Variants in FILIP1L observed in about 807,000 individuals in gnomAD.
The protein encoded by FILIP1L is filamin A-interacting protein 1-like.
FILIP1L carries 55 observed loss-of-function variants against 96.6 expected under a neutral mutation model. The ratio of observed to expected loss-of-function variants is 0.57; its 90% CI spans 0.46 to 0.71. The LOEUF (loss-of-function observed/expected upper bound fraction) is 0.71. Ranked by LOEUF, FILIP1L falls within the 30% of genes least tolerant of loss-of-function variation. The probability of loss-of-function intolerance (pLI) is 0.00; values close to 1 mark genes in which losing one functional copy is unlikely to be tolerated. For missense variants in FILIP1L, 1,304 were observed against 1,321.2 expected, an observed-to-expected ratio of 0.99 and a Z score of 0.20; for synonymous variants, 467 against 473.9, an observed-to-expected ratio of 0.99 and a Z score of 0.19.
chr3:100,007,968 CTG>C (rs1249511885), intron 1 of FILIP1L, among the ~76,000 whole-genome samples: 1 of 152,142 alleles, frequency 6.6e-6, no homozygotes, highest in East Asian at 1.9e-4. Flanking sequence ...AATTTGGAAA[CTG>C]AGGGCTCCCT....
At position 99,850,145 on chromosome 3, in the gene FILIP1L, A is replaced by C. The variant is rs1311300684; in HGVS notation, c.1531T>G (p.Leu511Val). The C allele has an allele frequency of 1.2e-6, 2 of 1,611,156 alleles. No individual in the cohort carries two copies. The highest frequency in any genetic ancestry group is 1.3e-5 in the African/African-American group (1 of 74,624). Residue 511 changes from leucine to valine, a missense_variant, in exon 5 of 6, where the codon TTA becomes GTA. By Grantham distance (32) the Leu-to-Val change is conservative. Transcript: ENST00000477258. Reference protein sequence around the residue: ...VDERKTMSEKLKKTEDKLQAA... With the variant: ...VDERKTMSEKVKKTEDKLQAA... Reference sequence around the variant, plus strand: ...TGTAATTTATCTTCAGTTTTCTTTAATTTTTCACTCATTGTTTTCCGTTCA... The same window carrying C: ...TGTAATTTATCTTCAGTTTTCTTTACTTTTTCACTCATTGTTTTCCGTTCA...
intron 4 of FILIP1L, among the ~76,000 whole-genome samples, chr3:99,914,885 A>G (rs1164254836): frequency 6.6e-6 from 1 of 152,218 alleles, no homozygotes; most frequent in Non-Finnish European, 1.5e-5. Flanking sequence ...ATCTACTTTC[A>G]TTGTGATGTA....
At chr3:99,973,958 T>C (rs936760320) in intron 1 of FILIP1L, among the ~76,000 whole-genome samples, 1 of 152,246 alleles carries the variant, frequency 6.6e-6, no homozygotes, top group African/African-American at 2.4e-5. Flanking sequence ...CACTGTTTCC[T>C]GTAACCCACA....
At chr3:99,949,775 T>C (rs1210323676) in intron 1 of FILIP1L, among the ~76,000 whole-genome samples, 1 of 152,240 alleles carries the variant, frequency 6.6e-6, no homozygotes, top group Non-Finnish European at 1.5e-5. Flanking sequence ...TTTTACTTTT[T>C]GGTCTTCTAA....
At chr3:99,976,072 A>G (rs928488310) in intron 1 of FILIP1L, among the ~76,000 whole-genome samples, 15 of 151,948 alleles carry the variant, frequency 9.9e-5, no homozygotes, top group Non-Finnish European at 1.6e-4. Flanking sequence ...TTTAGTAGAG[A>G]CGAGGTTTCG....
intron 1 of FILIP1L, among the ~76,000 whole-genome samples, chr3:99,972,235 C>G (rs1199890697): frequency 6.6e-6 from 1 of 152,162 alleles, no homozygotes. Flanking sequence ...AGCTAGTCAT[C>G]TCTTTCCCTT....
intron 4 of FILIP1L, among the ~76,000 whole-genome samples, chr3:99,885,796 A>G (rs766887949): frequency 2.0e-5 from 3 of 152,236 alleles, no homozygotes; most frequent in Non-Finnish European, 4.4e-5. Context: ...GTACACACAG[A>G]GACTTGAAGG....
At chr3:100,064,922 T>A (rs2065637885) in intron 1 of FILIP1L, among the ~76,000 whole-genome samples, 1 of 152,188 alleles carries the variant, frequency 6.6e-6, no homozygotes, top group Non-Finnish European at 1.5e-5. Context: ...AAACATGTAT[T>A]GCTGTTGCTG....
intron 1 of FILIP1L, among the ~76,000 whole-genome samples, chr3:100,007,693 G>T (rs1000153764): frequency 6.6e-6 from 1 of 152,218 alleles, no homozygotes; most frequent in Non-Finnish European, 1.5e-5. Context: ...GTGTGTCACT[G>T]ATGGAAGCTA....
intron 1 of FILIP1L, among the ~76,000 whole-genome samples, chr3:100,009,911 T>G (rs1490287135): frequency 1.3e-5 from 2 of 152,222 alleles, no homozygotes; most frequent in Non-Finnish European, 2.9e-5. Flanking sequence ...AATACCACTT[T>G]CTTTCACCAT....
At chr3:99,863,036 C>T (rs1944337366) in intron 4 of FILIP1L, among the ~76,000 whole-genome samples, 2 of 152,166 alleles carry the variant, frequency 1.3e-5, no homozygotes, top group Non-Finnish European at 2.9e-5. Flanking sequence ...TACTCATAGA[C>T]TTGGTCTACT....
chr3:100,073,094 T>C (rs2065789759), intron 1 of FILIP1L, among the ~76,000 whole-genome samples: 1 of 152,240 alleles, frequency 6.6e-6, no homozygotes, highest in African/African-American at 2.4e-5. Flanking sequence ...ATCATGTTTC[T>C]TTCATCTGCC....
intron 1 of FILIP1L, among the ~76,000 whole-genome samples, chr3:99,950,025 A>T (rs1342928424): frequency 6.6e-6 from 1 of 152,162 alleles, no homozygotes; most frequent in Non-Finnish European, 1.5e-5. Flanking sequence ...TCGACTTTAT[A>T]TGTATTTTTG....
intron 1 of FILIP1L, among the ~76,000 whole-genome samples, chr3:100,110,665 C>G (rs550196071): frequency 6.6e-6 from 1 of 152,260 alleles, no homozygotes; most frequent in African/African-American, 2.4e-5. Flanking sequence ...CAAAATCCAT[C>G]AGAAAAACCT....
chr3:100,019,416 G>C (rs2064764143), intron 1 of FILIP1L, among the ~76,000 whole-genome samples: 1 of 151,920 alleles, frequency 6.6e-6, no homozygotes, highest in Non-Finnish European at 1.5e-5. Context: ...CTTACCGAAA[G>C]GAATAGCAGG....
chr3:100,096,272 A>G (rs2066205708), intron 1 of FILIP1L, among the ~76,000 whole-genome samples: 1 of 148,872 alleles, frequency 6.7e-6, no homozygotes, highest in Admixed American at 6.6e-5. Context: ...ACATACCCCA[A>G]AGAAATGAAA....
At chr3:99,898,334 T>A (rs1022328546) in intron 4 of FILIP1L, 4 of 152,246 alleles carry the variant, frequency 2.6e-5, no homozygotes, top group Non-Finnish European at 2.9e-5. Flanking sequence ...GGCCTGTGTT[T>A]GTCTTGATTC....
intron 5 of FILIP1L, among the ~76,000 whole-genome samples, chr3:99,841,010 C>A (rs793437): frequency 0.56 from 84,934 of 152,120 alleles, 24,213 homozygotes; most frequent in East Asian, 0.72. Flanking sequence ...TTAATAAGCT[C>A]TTCAAGGGCA....
chr3:100,070,677 G>A (rs929107286), intron 1 of FILIP1L, among the ~76,000 whole-genome samples: 34 of 151,954 alleles, frequency 2.2e-4, no homozygotes, highest in African/African-American at 3.9e-4. Flanking sequence ...TTTGGCCCAC[G>A]CTGGAGTGCA....
Sources: gnomAD v4.1 joint callset for allele counts (sites outside exome capture counted in the v4.1 genomes callset) on GRCh38, gnomAD v4.1.1 for gene constraint, MANE v1.5 for transcripts, NCBI Gene and HGNC (gene_info 2026-07-23, HGNC 2026-07-21) for gene names.